The following DCTD variants were observed in gnomAD, a reference collection of about 807,000 sequenced individuals.
DCTD encodes deoxycytidylate deaminase.
A neutral mutation model predicts 21.0 loss-of-function variants in DCTD; 23 were observed. The ratio of observed to expected loss-of-function variants is 1.09; its 90% confidence interval spans 0.79 to 1.55. The LOEUF (loss-of-function observed/expected upper bound fraction) is 1.55. DCTD is among the 40% of genes most tolerant of loss of function. The probability of loss-of-function intolerance (pLI) is 0.00; values close to 1 mark genes in which losing one functional copy is unlikely to be tolerated. For missense variants in DCTD, 224 were observed against 230.0 expected (o/e 0.97, Z 0.17); for synonymous variants, 71 against 81.1 (o/e 0.88, Z 0.67).
chr4:182,897,198 G>A (rs1734881273), intron 3 of DCTD, among the ~76,000 whole-genome samples: 1 of 152,106 alleles, frequency 6.6e-6, no homozygotes, highest in African/African-American at 2.4e-5. Context: ...TGTGTACAGA[G>A]GGCGATTTAT....
chr4:182,900,193 G>A (rs1448087037), intron 3 of DCTD, among the ~76,000 whole-genome samples: 1 of 151,912 alleles, frequency 6.6e-6, no homozygotes, highest in Non-Finnish European at 1.5e-5. Context: ...GCGTGCACCT[G>A]TAGTCCTAGC....
Position 182,891,270 on chromosome 4 carries a change from A to G in DCTD, c.*129T>C. On this transcript the variant is annotated 3_prime_UTR_variant, in exon 6 of 6. Transcript: ENST00000438320. The stretch of plus-strand genomic sequence containing the variant: ...GACAGTAAGGAAGATTTGAGGCTTT[A>G]TATTCTTTAGATGCCTACTTTTGCC... The G allele has an allele frequency of 1.4e-6, 1 of 694,170 alleles. No individual in the cohort carries two copies. Among genetic ancestry groups the G allele is most frequent in the South Asian group, 1.7e-5 (1 of 58,604 alleles). The allele number at this position is 694,170 out of a possible 1,614,324, so 43.0% of individuals were successfully genotyped here. A position where few individuals can be genotyped will look rare whatever the true frequency, so the allele number is the denominator to read the frequency against.
chr4:182,905,939 G>A (rs576028695), intron 3 of DCTD, among the ~76,000 whole-genome samples: 1 of 152,144 alleles, frequency 6.6e-6, no homozygotes, highest in Admixed American at 6.5e-5. Context: ...GAACCATTTG[G>A]GGGGAGTCAA....
intron 3 of DCTD, among the ~76,000 whole-genome samples, chr4:182,907,519 T>C (rs1005707694): frequency 3.3e-5 from 5 of 152,220 alleles, no homozygotes; most frequent in African/African-American, 1.2e-4. Flanking sequence ...TAACCTACAG[T>C]CTGACTGTCC....
intron 1 of DCTD, chr4:182,916,600 T>C: frequency 1.0e-6 from 1 of 994,436 alleles, no homozygotes; most frequent in Non-Finnish European, 1.2e-6. Flanking sequence ...CTGATTACGC[T>C]GCCCCACATC....
At chr4:182,917,433 C>A (rs534132459), upstream of DCTD, 20 of 911,102 alleles carry the variant, frequency 2.2e-5, no homozygotes, top group Non-Finnish European at 2.5e-5. The surrounding 1 kb of genome is among the most constrained non-coding windows in gnomAD (Gnocchi z 4.9). Context: ...GCCCGGGCGC[C>A]GCGCGTTCGC....
chr4:182,907,925 T>C (rs771900668), intron 3 of DCTD, among the ~76,000 whole-genome samples: 3 of 152,182 alleles, frequency 2.0e-5, no homozygotes, highest in Non-Finnish European at 4.4e-5. Context: ...CTTGGCTCCT[T>C]ACGGCGGCTC....
intron 2 of DCTD, 57 bp downstream of exon 2, chr4:182,915,404 G>T: frequency 8.7e-7 from 1 of 1,152,048 alleles, no homozygotes; most frequent in Non-Finnish European, 1.3e-6. Context: ...TTCTGCTCAT[G>T]TGCAGTAATC....
rs1032444023 is a variant in DCTD at position 182,891,149 on chromosome 4, C to T, written c.*250G>A. ...CCAGGACACAAGAAGGGGAGGCACT[C>T]TCGTTCTAGCCCTGTGCACCAGGCC... On this transcript the variant is annotated 3_prime_UTR_variant, in exon 6 of 6. Coordinates refer to ENST00000438320, the MANE Select transcript of DCTD (RefSeq NM_001921.3). 1.6e-5 allele frequency: 6 copies of T among 382,904 alleles called. No homozygotes were observed. Among genetic ancestry groups the T allele is most frequent in the African/African-American group, 1.2e-4 (6 of 48,986 alleles). 23.7% of individuals were successfully genotyped at this position (382,904 alleles called of 1,614,324 possible). A position where few individuals can be genotyped will look rare whatever the true frequency, so the allele number is the denominator to read the frequency against.
Position 182,894,551 on chromosome 4 carries a change from C to A in DCTD, c.299G>T (p.Gly100Val), listed in dbSNP as rs778939354. The A allele has an allele frequency of 6.2e-7, 1 of 1,614,050 alleles. No homozygotes were observed. The highest frequency in any genetic ancestry group is 1.3e-5 in the African/African-American group (1 of 74,924). ...GAACAAGGCAACATACATACTACAG[C>A]CTTTCACATCGGTCGAATTTTTGTT... The part of the protein sequence containing the change: ...IMNKNSTDVK[G>V]CSMYVALFPC... The change falls in exon 4 of 6, where the codon GGC (glycine) becomes GTC (valine). Residue 100 changes from glycine (G) to valine (V), a missense_variant. By Grantham distance (109) the Gly-to-Val change is moderately radical (BLOSUM62 -3). Transcript: ENST00000438320.
intron 3 of DCTD, chr4:182,911,617 G>A (rs1340028452): frequency 6.6e-6 from 1 of 152,136 alleles, no homozygotes; most frequent in Non-Finnish European, 1.5e-5. Flanking sequence ...ATTAGGAGAT[G>A]TCACCCTGCA....
chr4:182,904,350 T>A (rs1454834779), intron 3 of DCTD, among the ~76,000 whole-genome samples: 5 of 152,202 alleles, frequency 3.3e-5, no homozygotes, highest in African/African-American at 7.2e-5. Context: ...CCCTTCCCAC[T>A]GTTCATGTGA....
In DCTD at chr4:182,890,454, C is replaced by T. The variant is rs1733554444; in HGVS notation, c.*945G>A. ...GTCTCCACGTGGGTGGAATTTCTCA[C>T]AATCCACTCACGGGATAGGAATTAA... On this transcript the variant is annotated 3_prime_UTR_variant, in exon 6 of 6. Transcript: ENST00000438320. 1 of 152,234 alleles carries T rather than the reference C, an allele frequency of 6.6e-6. No homozygotes were observed. The highest frequency in any genetic ancestry group is 1.5e-5 in the Non-Finnish European group (1 of 68,056). 9.4% of individuals were successfully genotyped at this position (152,234 alleles called of 1,614,324 possible).
chr4:182,910,414 T>C (rs148746055), intron 3 of DCTD, among the ~76,000 whole-genome samples: 3,067 of 152,318 alleles, frequency 0.02, 39 homozygotes, highest in Non-Finnish European at 0.035. Context: ...AAGAGTATTT[T>C]ACCTCATTTG....
chr4:182,894,618 AG>A lies in DCTD; in HGVS notation c.245-14del. The A allele has an allele frequency of 6.3e-7, 1 of 1,577,714 alleles. No homozygotes were observed. The highest frequency in any genetic ancestry group is 2.2e-5 in the East Asian group (1 of 44,686). On this transcript the variant is annotated splice_polypyrimidine_tract_variant and intron_variant, in intron 3 of 5. Coordinates refer to ENST00000438320, the MANE Select transcript of DCTD (RefSeq NM_001921.3). ...TCCGCATGGCACACTGTGGGTTGAAAGGGAAAGAAAGAAAAACTTTGGTTGC... is the reference window on the plus strand; with the variant it reads ...TCCGCATGGCACACTGTGGGTTGAAAGGAAAGAAAGAAAAACTTTGGTTGC...
At chr4:182,910,576 A>G (rs995653493) in intron 3 of DCTD, among the ~76,000 whole-genome samples, 1 of 152,206 alleles carries the variant, frequency 6.6e-6, no homozygotes, top group Admixed American at 6.5e-5. Flanking sequence ...AATCTTGTAA[A>G]TTAGATAAAT....
At chr4:182,892,514 TG>T (rs1733955704) in intron 5 of DCTD, among the ~76,000 whole-genome samples, 2 of 151,728 alleles carry the variant, frequency 1.3e-5, no homozygotes, top group African/African-American at 4.8e-5. Context: ...ATTAGCTGGG[TG>T]TGGCAGGGGA....
At chr4:182,911,315 A>G (rs34891001) in intron 3 of DCTD, 16,525 of 152,140 alleles carry the variant, frequency 0.11, 1,321 homozygotes, top group African/African-American at 0.22. Context: ...AAATATCAGC[A>G]CATTGGAATT....
rs1216280738 is a variant in DCTD, at chr4:182,908,703, AAAG to A, written c.244+6217_244+6219del. On this transcript the variant is annotated intron_variant, in intron 3 of 5. Coordinates refer to ENST00000438320, the MANE Select transcript of DCTD (RefSeq NM_001921.3). ...GTCTCAAAAAAAAAAAAAAAAAAAAAAAGAAGAAGAAGAAGAAGAAGAAATAAA... is the reference window on the plus strand; with the variant it reads ...GTCTCAAAAAAAAAAAAAAAAAAAAAAAGAAGAAGAAGAAGAAGAAATAAA... Among the ~76,000 whole-genome samples, 222 of 134,912 alleles carry A rather than the reference AAAG, an allele frequency of 1.6e-3. 2 individuals carry two copies. The highest frequency in any genetic ancestry group is 2.2e-3 in the Non-Finnish European group (141 of 63,210). 88.5% of individuals were successfully genotyped at this position (134,912 alleles called of 152,430 possible).
Sources: gnomAD v4.1 joint callset for allele counts (sites outside exome capture counted in the v4.1 genomes callset) on GRCh38, gnomAD v4.1.1 for gene constraint, Gnocchi (gnomAD v3.1) non-coding constraint, MANE v1.5 for transcripts, NCBI Gene and HGNC (gene_info 2026-07-23, HGNC 2026-07-21) for gene names.